The following SLX9 variants were observed in gnomAD, a reference collection of about 807,000 sequenced individuals.
The protein encoded by SLX9 is ribosome biogenesis protein SLX9 homolog.
SLX9 carries 19 observed loss-of-function variants against 20.8 expected under a neutral mutation model. That is an observed-to-expected ratio of 0.91 (90% CI 0.64 to 1.34). The LOEUF (loss-of-function observed/expected upper bound fraction) is 1.34. Among genes scored for constraint, SLX9 ranks in the 40% most tolerant of loss-of-function variants. The pLI is 0.00. For missense variants in SLX9, 299 were observed against 322.2 expected (o/e 0.93, Z 0.55); for synonymous variants, 113 against 137.1 (o/e 0.82, Z 1.23).
rs188037579 is a variant in SLX9, at chr21:44,962,316, C to T, written c.352+2148C>T. 2.8e-4 allele frequency among the ~76,000 whole-genome samples: 42 copies of T among 152,316 alleles called. 1 individual carries two copies. The highest frequency in any genetic ancestry group is 8.2e-4 in the African/African-American group (34 of 41,580). On this transcript the variant is annotated intron_variant, in intron 3 of 5. Transcript: ENST00000291634. ...ATTCCCCGACAGTCACGCACCCCCC[C>T]AGTCAATTACCTCTCCCACTGGCCC... is the stretch of plus-strand genomic sequence containing the variant.
chr21:44,950,584 ATGT>A (rs2084738529), intron 2 of SLX9, among the ~76,000 whole-genome samples: 2 of 152,210 alleles, frequency 1.3e-5, no homozygotes, highest in Non-Finnish European at 2.9e-5. Context: ...TGTGAGCCAC[ATGT>A]TGTTGAGACG....
intron 4 of SLX9, among the ~76,000 whole-genome samples, 182 bp downstream of exon 4, chr21:44,967,363 C>A (rs140621159): frequency 6.6e-6 from 1 of 152,188 alleles, no homozygotes; most frequent in African/African-American, 2.4e-5. Context: ...TCGTGAGGCC[C>A]GTGGGGGCTG....
At chr21:44,961,688 TC>T (rs1366445284) in intron 3 of SLX9, among the ~76,000 whole-genome samples, 1 of 152,248 alleles carries the variant, frequency 6.6e-6, no homozygotes, top group Non-Finnish European at 1.5e-5. Context: ...TATTTGTATC[TC>T]CACCTTCATT....
At chr21:44,951,450 G>C (rs1444980514) in intron 2 of SLX9, among the ~76,000 whole-genome samples, 1 of 152,160 alleles carries the variant, frequency 6.6e-6, no homozygotes, top group Non-Finnish European at 1.5e-5. Context: ...TCCAGGGGCT[G>C]AGTCCTCAGC....
chr21:44,952,523 T>A (rs2084777467), intron 2 of SLX9, among the ~76,000 whole-genome samples: 1 of 152,170 alleles, frequency 6.6e-6, no homozygotes, highest in African/African-American at 2.4e-5. Flanking sequence ...CCTGCAGGTC[T>A]GGCCCCAGCT....
intron 5 of SLX9, among the ~76,000 whole-genome samples, chr21:44,973,772 G>T (rs533916803): frequency 1.3e-5 from 2 of 151,468 alleles, no homozygotes; most frequent in Non-Finnish European, 2.9e-5. Context: ...TGAGAGCCCC[G>T]CCCGTGCCTC....
chr21:44,969,306 G>C, intron 4 of SLX9: 1 of 431,096 alleles, frequency 2.3e-6, no homozygotes, highest in South Asian at 1.6e-5. Context: ...AACATTCCTG[G>C]TTCTTGGACA....
At chr21:44,958,490 C>T (rs1320939156) in intron 2 of SLX9, 1 of 152,304 alleles carries the variant, frequency 6.6e-6, no homozygotes, top group African/African-American at 2.4e-5. Flanking sequence ...GTGGGGTGCG[C>T]CCACCTGCCC....
intron 4 of SLX9, among the ~76,000 whole-genome samples, chr21:44,971,087 GTGTGCGCTT>G (rs1229153664): frequency 6.6e-6 from 1 of 151,942 alleles, no homozygotes; most frequent in Non-Finnish European, 1.5e-5. Flanking sequence ...TCCACCTCCT[GTGTGCGCTT>G]TGTGGGCAGT....
At chr21:44,976,403 T>G (rs2085263458) in intron 5 of SLX9, among the ~76,000 whole-genome samples, 1 of 152,172 alleles carries the variant, frequency 6.6e-6, no homozygotes, top group Non-Finnish European at 1.5e-5. Flanking sequence ...TTCTCAGCCT[T>G]GGCGGCAGCC....
intron 3 of SLX9, among the ~76,000 whole-genome samples, chr21:44,965,555 G>C (rs2085019159): frequency 6.6e-6 from 1 of 152,192 alleles, no homozygotes. Context: ...TCTCATGCGT[G>C]GGCAGTGAAT....
At chr21:44,973,826 C>A (rs575345190) in intron 5 of SLX9, among the ~76,000 whole-genome samples, 71 of 152,288 alleles carry the variant, frequency 4.7e-4, no homozygotes, top group Admixed American at 1.8e-3. Flanking sequence ...CTGTCTGCTC[C>A]AGGGGGGCTT....
chr21:44,946,300 T>G (rs2084640435), intron 2 of SLX9, among the ~76,000 whole-genome samples: 1 of 150,280 alleles, frequency 6.7e-6, no homozygotes, highest in Non-Finnish European at 1.5e-5. Context: ...AAGCTTGTGC[T>G]GACGGGACTG....
At chr21:44,942,192 T>A (rs1212893049) in intron 1 of SLX9, among the ~76,000 whole-genome samples, 1 of 152,180 alleles carries the variant, frequency 6.6e-6, no homozygotes, top group Non-Finnish European at 1.5e-5. Flanking sequence ...TATACCAACA[T>A]ACATTCATGA....
intron 5 of SLX9, among the ~76,000 whole-genome samples, chr21:44,974,857 C>T (rs916607122): frequency 2.0e-5 from 3 of 152,184 alleles, no homozygotes; most frequent in Admixed American, 6.5e-5. Flanking sequence ...CTCCGCCTCT[C>T]CCCAGTGCAC....
At chr21:44,941,838 A>C (rs907857831) in intron 1 of SLX9, among the ~76,000 whole-genome samples, 9 of 152,100 alleles carry the variant, frequency 5.9e-5, no homozygotes, top group African/African-American at 2.2e-4. Flanking sequence ...CACCACCCAG[A>C]GCTCCTTCCT....
rs759122358 is a variant in SLX9 at position 44,976,865 on chromosome 21, C to T, written c.*62C>T. 3 of 1,532,452 alleles carry T rather than the reference C, an allele frequency of 2.0e-6. No individual in the cohort carries two copies. Among genetic ancestry groups the T allele is most frequent in the Non-Finnish European group, 2.6e-6 (3 of 1,145,450 alleles). 94.9% of individuals were successfully genotyped at this position (1,532,452 alleles called of 1,614,324 possible). A position where few individuals can be genotyped will look rare whatever the true frequency, so the allele number is the denominator to read the frequency against. Reference sequence around the variant, plus strand: ...ATGTGGGCCAAGTAGAGAGCGCCGGCCCCTCAAGGACCATGGCCTGAGCCT... The same window carrying T: ...ATGTGGGCCAAGTAGAGAGCGCCGGTCCCTCAAGGACCATGGCCTGAGCCT... On this transcript the variant is annotated 3_prime_UTR_variant, in exon 6 of 6. Coordinates refer to ENST00000291634, the MANE Select transcript of SLX9 (RefSeq NM_058190.4).
chr21:44,958,884 C>T lies in SLX9; in HGVS notation c.284-1216C>T, dbSNP rs574912621. Among the ~76,000 whole-genome samples the T allele has an allele frequency of 1.3e-3, 196 of 152,358 alleles. 1 individual carries two copies. Among genetic ancestry groups the T allele is most frequent in the Non-Finnish European group, 2.4e-3 (160 of 68,032 alleles). On this transcript the variant is annotated intron_variant, in intron 2 of 5. Coordinates refer to ENST00000291634, the MANE Select transcript of SLX9 (RefSeq NM_058190.4). ...TGTGCTGTGTTCCTGACCTGGCCTGCGCCCAGGCCTCGTTTTCTTCATTCC... is the reference window on the plus strand; with the variant it reads ...TGTGCTGTGTTCCTGACCTGGCCTGTGCCCAGGCCTCGTTTTCTTCATTCC...
rs1257396462 is a variant in SLX9, at chr21:44,973,128, G to C, written c.501-69G>C. On this transcript the variant is annotated intron_variant, in intron 4 of 5. Transcript: ENST00000291634. Reference sequence around the variant, plus strand: ...GTCTGCTCTAAGAAGGGAGGAGCCAGCCTCTGCCCACGGGAAGGTGTTTAG... The same window carrying C: ...GTCTGCTCTAAGAAGGGAGGAGCCACCCTCTGCCCACGGGAAGGTGTTTAG... 1.9e-6 allele frequency: 3 copies of C among 1,569,102 alleles called. No individual in the cohort carries two copies. The African/African-American group carries it at 4.1e-5, about 21-fold the overall frequency.
Sources: gnomAD v4.1 joint callset for allele counts (sites outside exome capture counted in the v4.1 genomes callset) on GRCh38, gnomAD v4.1.1 for gene constraint, MANE v1.5 for transcripts, NCBI Gene and HGNC (gene_info 2026-07-23, HGNC 2026-07-21) for gene names.